The following ADNP2 variants were observed in gnomAD, a reference collection of about 807,000 sequenced individuals.
ADNP2 encodes the protein activity-dependent neuroprotector homeobox protein 2.
Under a neutral mutation model 16.4 loss-of-function variants are expected in ADNP2, and 8 were observed. The observed-to-expected ratio is 0.49, with a 90% confidence interval of 0.29 to 0.88. The LOEUF is 0.88. Ranked by LOEUF, ADNP2 falls within the 40% of genes least tolerant of loss-of-function variation. The pLI is 0.09. For synonymous variants in ADNP2, 637 were observed against 545.8 expected, an observed-to-expected ratio of 1.17 and a Z score of -2.33; for missense variants, 1,397 against 1,395.1, an observed-to-expected ratio of 1.00 and a Z score of -0.02.
chr18:80,129,875 C>T (rs1401266405), intron 2 of ADNP2, among the ~76,000 whole-genome samples: 1 of 152,176 alleles, frequency 6.6e-6, no homozygotes, highest in Non-Finnish European at 1.5e-5. Context: ...CTGATTCTGT[C>T]ACATGTAGAT....
chr18:80,113,742 A>G (rs932920865), intron 1 of ADNP2, among the ~76,000 whole-genome samples: 2 of 152,210 alleles, frequency 1.3e-5, no homozygotes, highest in Non-Finnish European at 2.9e-5. Context: ...AAATGGATAT[A>G]TAAGTAGATA....
Position 80,136,911 on chromosome 18 carries a change from C to G in ADNP2, c.1498C>G (p.Pro500Ala). Residue 500 changes from proline (P) to alanine (A), a missense_variant, in exon 4 of 4, where the codon CCA becomes GCA. This residue lies in a region of ADNP2 where 777 missense variants were observed against 719.4 expected (regional missense o/e 1.08). Transcript: ENST00000262198. ...GACAGCTCCGTCACGGGTTCTTCCC[C>G]CAGGCCAGACAGCCCCATTGAGGGT... is the stretch of plus-strand genomic sequence containing the variant. The part of the protein sequence containing the change: ...GQTAPSRVLP[P>A]GQTAPLRVIS... 1 of 1,614,098 alleles carries G rather than the reference C, an allele frequency of 6.2e-7. No homozygotes were observed. The highest frequency in any genetic ancestry group is 8.5e-7 in the Non-Finnish European group (1 of 1,180,000).
At position 80,135,621 on chromosome 18, in the gene ADNP2, A is replaced by G; in HGVS notation, c.208A>G (p.Thr70Ala). The G allele has an allele frequency of 6.2e-7, 1 of 1,609,888 alleles. No homozygotes were observed. Among genetic ancestry groups the G allele is most frequent in the Non-Finnish European group, 8.5e-7 (1 of 1,177,434 alleles). The change falls in exon 4 of 4, where the codon ACA (threonine) becomes GCA (alanine). Residue 70 changes from threonine (T) to alanine (A), a missense_variant. Thr to Ala is a moderately conservative substitution (Grantham distance 58). This residue lies in a region of ADNP2 where 777 missense variants were observed against 719.4 expected (regional missense o/e 1.08). Transcript: ENST00000262198. ...EPSGKKVRYR[T>A]KPYCCGLCKY... is the part of the protein sequence containing the mutation. ...TCTTTTCTTTTAACAGAGATATCGA[A>G]CAAAGCCATACTGTTGTGGCCTCTG...
At chr18:80,125,957 T>G (rs1042969761) in intron 2 of ADNP2, among the ~76,000 whole-genome samples, 5 of 152,226 alleles carry the variant, frequency 3.3e-5, no homozygotes, top group Non-Finnish European at 7.3e-5. Flanking sequence ...CTAAACTGTT[T>G]ATTAACCTGT....
intron 2 of ADNP2, among the ~76,000 whole-genome samples, chr18:80,124,629 T>C (rs1033564739): frequency 2.6e-5 from 4 of 152,102 alleles, no homozygotes; most frequent in Non-Finnish European, 4.4e-5. Context: ...GGCTTCCTTA[T>C]GCAGGCATGA....
At chr18:80,131,176 G>A (rs1019546382) in intron 2 of ADNP2, among the ~76,000 whole-genome samples, 1 of 152,100 alleles carries the variant, frequency 6.6e-6, no homozygotes, top group African/African-American at 2.4e-5. Context: ...GGGAGGTCTC[G>A]GCTCATGCAT....
At position 80,135,970 on chromosome 18, in the gene ADNP2, A is replaced by G; in HGVS notation, c.557A>G (p.Tyr186Cys). The G allele has an allele frequency of 6.2e-7, 1 of 1,614,222 alleles. No homozygotes were observed. The highest frequency in any genetic ancestry group is 8.5e-7 in the Non-Finnish European group (1 of 1,180,046). ...CATTTTCACTACTTAATTAACTCCT[A>G]CTTTGGCCTAAGAACTGAGGAAATG... ...VAHFHYLINSYFGLRTEEMGE... is the reference protein window; with the variant it reads ...VAHFHYLINSCFGLRTEEMGE... The change falls in exon 4 of 4, where the codon TAC becomes TGC. Residue 186 changes from tyrosine to cysteine, a missense_variant. By Grantham distance (194) the Tyr-to-Cys change is radical (BLOSUM62 -2). Around this residue, in one of 3 missense-constraint regions of ADNP2, gnomAD observed 777 missense variants for 719.4 expected, o/e 1.08. Coordinates refer to ENST00000262198, the MANE Select transcript of ADNP2 (RefSeq NM_014913.4).
At chr18:80,112,555 C>T (rs1265643949) in intron 1 of ADNP2, among the ~76,000 whole-genome samples, 4 of 151,908 alleles carry the variant, frequency 2.6e-5, no homozygotes, top group African/African-American at 9.7e-5. Flanking sequence ...GAAGCACTTT[C>T]ATTTGAGAAT....
intron 1 of ADNP2, among the ~76,000 whole-genome samples, chr18:80,115,490 C>A (rs1332585967): frequency 6.6e-6 from 1 of 152,216 alleles, no homozygotes; most frequent in Non-Finnish European, 1.5e-5. Context: ...CACACACTCT[C>A]AAACTATCTC....
chr18:80,135,668 T>A lies in ADNP2; in HGVS notation c.255T>A (p.Leu85=). ...TCTGTAAATACTCTACAAAGGTGCTTACTTCATTCAAGAATCATTTACATC... is the reference window on the plus strand; with the variant it reads ...TCTGTAAATACTCTACAAAGGTGCTAACTTCATTCAAGAATCATTTACATC... ...CGLCKYSTKV[L]TSFKNHLHRY... is the part of the protein sequence containing the mutation. The change falls in exon 4 of 4, where the codon CTT becomes CTA. Residue 85 remains leucine, a synonymous_variant. Coordinates refer to ENST00000262198, the MANE Select transcript of ADNP2 (RefSeq NM_014913.4). 1 of 1,614,232 alleles carries A rather than the reference T, an allele frequency of 6.2e-7. No individual in the cohort carries two copies. Among genetic ancestry groups the A allele is most frequent in the Non-Finnish European group, 8.5e-7 (1 of 1,180,038 alleles).
chr18:80,116,810 A>AT (rs1480220064), intron 1 of ADNP2, among the ~76,000 whole-genome samples: 1 of 151,812 alleles, frequency 6.6e-6, no homozygotes, highest in Non-Finnish European at 1.5e-5. Flanking sequence ...TAATTTTTGT[A>AT]TTTTTTGTAG....
intron 2 of ADNP2, among the ~76,000 whole-genome samples, chr18:80,132,013 T>G (rs1196972152): frequency 1.3e-5 from 2 of 152,234 alleles, no homozygotes. Flanking sequence ...TGTTTTACTT[T>G]GAAGTACTTT....
At chr18:80,117,703 G>A (rs2052398638) in intron 2 of ADNP2, 53 bp downstream of exon 2, 10 of 1,411,106 alleles carry the variant, frequency 7.1e-6, no homozygotes, top group African/African-American at 1.5e-5. Flanking sequence ...TTGAACTCGG[G>A]TTTTTGAAGA....
intron 2 of ADNP2, among the ~76,000 whole-genome samples, chr18:80,118,683 CTTTG>C (rs1271555210): frequency 6.6e-6 from 1 of 152,052 alleles, no homozygotes; most frequent in Non-Finnish European, 1.5e-5. Flanking sequence ...TCCTAGAGTC[CTTTG>C]TTTTTGACTT....
intron 1 of ADNP2, among the ~76,000 whole-genome samples, chr18:80,116,851 G>A (rs2052392595): frequency 6.6e-6 from 1 of 152,112 alleles, no homozygotes; most frequent in Non-Finnish European, 1.5e-5. Context: ...GCCCTGGCTG[G>A]TCTTCAACTC....
At chr18:80,133,970 C>A (rs958241706) in intron 3 of ADNP2, among the ~76,000 whole-genome samples, 8 of 152,034 alleles carry the variant, frequency 5.3e-5, no homozygotes, top group African/African-American at 1.9e-4. Context: ...GTAGCTGAGA[C>A]TACAGGTGCA....
intron 2 of ADNP2, among the ~76,000 whole-genome samples, chr18:80,126,192 A>G (rs987188814): frequency 1.3e-5 from 2 of 151,506 alleles, no homozygotes; most frequent in Admixed American, 6.6e-5. Context: ...ATATACTACT[A>G]CTTCTTCTAC....
chr18:80,138,195 C>T lies in ADNP2; in HGVS notation c.2782C>T (p.Leu928=), dbSNP rs1442821651. ...TGGGGTCTACACGGGAAATATGACCCTGGCTGCCATCGCCGTCCATTTGGT... is the reference window on the plus strand; with the variant it reads ...TGGGGTCTACACGGGAAATATGACCTTGGCTGCCATCGCCGTCCATTTGGT... ...CCGVYTGNMT[L]AAIAVHLVRC... Residue 928 remains leucine (L), a synonymous_variant, in exon 4 of 4, where the codon CTG becomes TTG. Transcript: ENST00000262198. 2 of 1,614,198 alleles carry T rather than the reference C, an allele frequency of 1.2e-6. No homozygotes were observed. The highest frequency in any genetic ancestry group is 1.3e-5 in the African/African-American group (1 of 75,074).
rs1201059223 is a variant in ADNP2 at position 80,140,002 on chromosome 18, A to G, written c.*1193A>G. On this transcript the variant is annotated 3_prime_UTR_variant, in exon 4 of 4. Transcript: ENST00000262198. ...CTCGTTTTTTTCCCCACACGATATTAAAACTTAAAGCACCAGAACCAGTCA... is the reference window on the plus strand; with the variant it reads ...CTCGTTTTTTTCCCCACACGATATTGAAACTTAAAGCACCAGAACCAGTCA... The G allele has an allele frequency of 6.6e-6, 1 of 152,172 alleles. No individual in the cohort carries two copies. The highest frequency in any genetic ancestry group is 2.4e-5 in the African/African-American group (1 of 41,440). 9.4% of individuals were successfully genotyped at this position (152,172 alleles called of 1,614,324 possible). A position where few individuals can be genotyped will look rare whatever the true frequency, so the allele number is the denominator to read the frequency against.
Sources: allele counts gnomAD v4.1 joint callset (sites outside exome capture counted in the v4.1 genomes callset), GRCh38; gene constraint gnomAD v4.1.1; regional missense constraint gnomAD v4.1.1; transcripts MANE v1.5; gene names NCBI Gene and HGNC (gene_info 2026-07-23, HGNC 2026-07-21).